OR2Z1: variants seen among roughly 807,000 people sequenced by gnomAD.
The protein encoded by OR2Z1 is olfactory receptor 2Z1.
For synonymous variants in OR2Z1, 188 were observed against 160.6 expected, an observed-to-expected ratio of 1.17 and a Z score of -1.29; for missense variants, 449 against 401.8, an observed-to-expected ratio of 1.12 and a Z score of -1.00.
rs1555756754 is a variant in OR2Z1, at chr19:8,731,444, A to C, written c.416A>C (p.Gln139Pro). The change falls in exon 3 of 3, where the codon CAG (glutamine) becomes CCG (proline). Residue 139 changes from glutamine to proline, a missense_variant. Coordinates refer to ENST00000641125, the MANE Select transcript of OR2Z1 (RefSeq NM_001004699.3). ...PLQYPVLMRR[Q>P]VCLLMMGSSW... ...CAGTATCCTGTACTTATGAGACGCCAGGTATGTCTGCTGATGATGGGCTCC... is the reference window on the plus strand; with the variant it reads ...CAGTATCCTGTACTTATGAGACGCCCGGTATGTCTGCTGATGATGGGCTCC... 2 of 1,613,964 alleles carry C rather than the reference A, an allele frequency of 1.2e-6. No individual in the cohort carries two copies. Among genetic ancestry groups the C allele is most frequent in the East Asian group, 4.5e-5 (2 of 44,856 alleles).
chr19:8,728,708 A>G, intron 2 of OR2Z1: 2 of 557,308 alleles, frequency 3.6e-6, no homozygotes, highest in Non-Finnish European at 6.9e-6. Context: ...ATATACATAT[A>G]TTTAGAATTA....
At position 8,731,669 on chromosome 19, in the gene OR2Z1, T is replaced by C; in HGVS notation, c.641T>C (p.Ile214Thr). The C allele has an allele frequency of 6.2e-7, 1 of 1,614,004 alleles. No individual in the cohort carries two copies. Among genetic ancestry groups the C allele is most frequent in the Non-Finnish European group, 8.5e-7 (1 of 1,180,006 alleles). ...VLILMLPLSL[I>T]ATSYGHVLQA... ...ATCCTAATGCTCCCTCTTTCCCTCA[T>C]CGCCACCTCCTACGGCCACGTGTTG... is the stretch of plus-strand genomic sequence containing the variant. The change falls in exon 3 of 3, where the codon ATC (isoleucine) becomes ACC (threonine). Residue 214 changes from isoleucine to threonine, a missense_variant. Transcript: ENST00000641125.
intron 2 of OR2Z1, among the ~76,000 whole-genome samples, chr19:8,730,437 T>C (rs2043347071): frequency 6.6e-6 from 1 of 151,486 alleles, no homozygotes; most frequent in Non-Finnish European, 1.5e-5. Context: ...TTTTTTTTTT[T>C]GAGATGGAGT....
In OR2Z1 at chr19:8,731,272, G is replaced by A. The variant is rs781819565; in HGVS notation, c.244G>A (p.Ala82Thr). ...TCCCATGGTCACCATCCCCAAGATG[G>A]CATCAGACTTTCTGCGGGGAGAAGG... ...GCPMVTIPKM[A>T]SDFLRGEGAT... The change falls in exon 3 of 3, where the codon GCA (alanine) becomes ACA (threonine). Residue 82 changes from alanine (A) to threonine (T), a missense_variant. Ala to Thr is a moderately conservative substitution (Grantham distance 58, BLOSUM62 0). Transcript: ENST00000641125. 1.4e-5 allele frequency: 23 copies of A among 1,613,986 alleles called. No individual in the cohort carries two copies. The highest frequency in any genetic ancestry group is 1.9e-5 in the Non-Finnish European group (22 of 1,180,020).
chr19:8,731,593 T>G lies in OR2Z1; in HGVS notation c.565T>G (p.Cys189Gly). The G allele has an allele frequency of 6.2e-7, 1 of 1,613,318 alleles. No homozygotes were observed. The highest frequency in any genetic ancestry group is 8.5e-7 in the Non-Finnish European group (1 of 1,180,016). The change falls in exon 3 of 3, where the codon TGT becomes GGT. Residue 189 changes from cysteine (C) to glycine (G), a missense_variant. Transcript: ENST00000641125. ...CEVPALLKLS[C>G]ADTCAYEMAL... is the part of the protein sequence containing the mutation. The stretch of plus-strand genomic sequence containing the variant: ...GGTGCCAGCCCTACTGAAGCTCTCC[T>G]GTGCAGATACCTGTGCCTACGAGAT...
intron 2 of OR2Z1, among the ~76,000 whole-genome samples, chr19:8,729,534 C>T (rs149703947): frequency 4.6e-5 from 7 of 151,726 alleles, no homozygotes; most frequent in East Asian, 1.9e-4. Context: ...CCGTAGCCTC[C>T]CCAGTAGCTG....
At chr19:8,724,775 G>T (rs1470176945) in intron 2 of OR2Z1, among the ~76,000 whole-genome samples, 1 of 152,080 alleles carries the variant, frequency 6.6e-6, no homozygotes, top group Non-Finnish European at 1.5e-5. Flanking sequence ...GTGTGTCCTT[G>T]GGTAGGAGGT....
chr19:8,722,676 G>A (rs1216404091), intron 1 of OR2Z1, among the ~76,000 whole-genome samples: 4 of 152,086 alleles, frequency 2.6e-5, no homozygotes, highest in African/African-American at 4.8e-5. Context: ...GGTGAGAGAG[G>A]TTGGATGGGT....
Position 8,721,718 on chromosome 19 carries a change from G to A in OR2Z1, c.-539G>A, listed in dbSNP as rs1347368369. 1 of 152,224 alleles carries A rather than the reference G, an allele frequency of 6.6e-6. No individual in the cohort carries two copies. The highest frequency in any genetic ancestry group is 1.5e-5 in the Non-Finnish European group (1 of 68,048). The allele number at this position is 152,224 out of a possible 1,614,324, so 9.4% of individuals were successfully genotyped here. A position where few individuals can be genotyped will look rare whatever the true frequency, so the allele number is the denominator to read the frequency against. On this transcript the variant is annotated 5_prime_UTR_variant, in exon 1 of 3. Transcript: ENST00000641125. The stretch of plus-strand genomic sequence containing the variant: ...CAGGCTGGACCTCTAGATAGCAGAA[G>A]GTCACCCATGTTGACGTTCATTCCA...
intron 2 of OR2Z1, among the ~76,000 whole-genome samples, chr19:8,724,349 C>G (rs1324729380): frequency 8.5e-5 from 13 of 152,152 alleles, no homozygotes; most frequent in Middle Eastern, 3.4e-3. Context: ...GAGCCTCCCA[C>G]CTTAGCCTCC....
In OR2Z1 at chr19:8,730,968, A is replaced by T. The variant is rs2043349950; in HGVS notation, c.-61A>T. 7.3e-7 allele frequency: 1 copy of T among 1,379,220 alleles called. No homozygotes were observed. The highest frequency in any genetic ancestry group is 1.0e-6 in the Non-Finnish European group (1 of 986,020). The allele number at this position is 1,379,220 out of a possible 1,614,324, so 85.4% of individuals were successfully genotyped here. A position where few individuals can be genotyped will look rare whatever the true frequency, so the allele number is the denominator to read the frequency against. On this transcript the variant is annotated 5_prime_UTR_variant, in exon 3 of 3. It removes an upstream start codon present in the reference 5' UTR. Coordinates refer to ENST00000641125, the MANE Select transcript of OR2Z1 (RefSeq NM_001004699.3). ...TGAGATGAAAATTATTTGCCACCCC[A>T]TGCAGGCTTCTTGCCATAGTTCAGC...
At position 8,728,323 on chromosome 19, in the gene OR2Z1, C is replaced by T. The variant is rs984352182; in HGVS notation, c.-169-2537C>T. ...GGCCATCCTTCTTGTTCACCTCATT[C>T]ACTCAGGCAATACTTAGGGACATAA... On this transcript the variant is annotated intron_variant, in intron 2 of 2. Coordinates refer to ENST00000641125, the MANE Select transcript of OR2Z1 (RefSeq NM_001004699.3). Among the ~76,000 whole-genome samples, 6 of 152,180 alleles carry T rather than the reference C, an allele frequency of 3.9e-5. No individual in the cohort carries two copies. The South Asian group carries it at 6.2e-4, about 16-fold the overall frequency.
chr19:8,729,080 C>A, intron 2 of OR2Z1: 1 of 1,171,350 alleles, frequency 8.5e-7, no homozygotes, highest in African/African-American at 1.5e-5. Flanking sequence ...AGGTGGGTGA[C>A]ATGTGGGATC....
intron 2 of OR2Z1, chr19:8,729,222 A>G (rs2043340482): frequency 4.4e-6 from 3 of 685,322 alleles, no homozygotes. Context: ...AAAGGGCCCA[A>G]TAGGTAGTTT....
chr19:8,727,224 G>A lies in OR2Z1; in HGVS notation c.-169-3636G>A, dbSNP rs560088514. Among the ~76,000 whole-genome samples the A allele has an allele frequency of 2.6e-5, 4 of 152,274 alleles. No individual in the cohort carries two copies. The South Asian group carries it at 6.2e-4, about 24-fold the overall frequency. On this transcript the variant is annotated intron_variant, in intron 2 of 2. Coordinates refer to ENST00000641125, the MANE Select transcript of OR2Z1 (RefSeq NM_001004699.3). Reference sequence around the variant, plus strand: ...CTCCCAAAGTGCTGGGATTACAGACGTGAGTCAGTGCAGCCGGCCTCCATT... The same window carrying A: ...CTCCCAAAGTGCTGGGATTACAGACATGAGTCAGTGCAGCCGGCCTCCATT...
At chr19:8,729,021 C>G in intron 2 of OR2Z1, 1 of 918,352 alleles carries the variant, frequency 1.1e-6, no homozygotes, top group Non-Finnish European at 1.7e-6. Flanking sequence ...GGTGCTCTTT[C>G]GAGGATATTT....
At chr19:8,728,629 T>C in intron 2 of OR2Z1, 1 of 441,394 alleles carries the variant, frequency 2.3e-6, no homozygotes, top group South Asian at 1.9e-5. Flanking sequence ...GATTTGGGTT[T>C]CAATTGAAAC....
At chr19:8,725,325 C>A (rs2043323088) in intron 2 of OR2Z1, among the ~76,000 whole-genome samples, 1 of 152,084 alleles carries the variant, frequency 6.6e-6, no homozygotes, top group East Asian at 1.9e-4. Flanking sequence ...TCACTGCAAC[C>A]TCTGCCTCCT....
intron 2 of OR2Z1, among the ~76,000 whole-genome samples, chr19:8,729,926 C>T (rs1315462966): frequency 1.3e-5 from 2 of 151,952 alleles, no homozygotes; most frequent in Non-Finnish European, 2.9e-5. Context: ...CCAGGCTGGT[C>T]TTGAACTCCT....
Sources: gnomAD v4.1 joint callset for allele counts (sites outside exome capture counted in the v4.1 genomes callset) on GRCh38, gnomAD v4.1.1 for gene constraint, MANE v1.5 for transcripts, NCBI Gene and HGNC (gene_info 2026-07-23, HGNC 2026-07-21) for gene names.